Variants in L3MBTL4 observed in about 807,000 individuals in gnomAD.
L3MBTL4 encodes the protein L3MBTL histone methyl-lysine binding protein 4.
Under a neutral mutation model 84.5 loss-of-function variants are expected in L3MBTL4, and 70 were observed. That is an observed-to-expected ratio of 0.83 (90% CI 0.68 to 1.01). The LOEUF is 1.01. Among genes scored for constraint, L3MBTL4 ranks in the 50% least tolerant of loss-of-function variants. L3MBTL4 has a pLI of 0.00. For synonymous variants in L3MBTL4, 274 were observed against 259.8 expected (o/e 1.05, Z -0.52); for missense variants, 715 against 754.8 (o/e 0.95, Z 0.62).
intron 3 of L3MBTL4, among the ~76,000 whole-genome samples, chr18:6,310,349 C>T (rs762370747): frequency 1.3e-5 from 2 of 152,158 alleles, no homozygotes; most frequent in Non-Finnish European, 2.9e-5. Context: ...CAATCTGGAC[C>T]CAGGGAACTG....
chr18:6,333,319 A>T (rs1277289134), intron 1 of L3MBTL4, among the ~76,000 whole-genome samples: 3 of 152,318 alleles, frequency 2.0e-5, no homozygotes, highest in African/African-American at 7.2e-5. Context: ...TCATGCCTGT[A>T]ATCCCAACAC....
intron 12 of L3MBTL4, among the ~76,000 whole-genome samples, chr18:6,185,846 G>A (rs1012201801): frequency 4.6e-5 from 7 of 152,154 alleles, no homozygotes; most frequent in African/African-American, 1.7e-4. Flanking sequence ...ATAGACATGT[G>A]AGAAATGACT....
At position 6,265,991 on chromosome 18, in the gene L3MBTL4, A is replaced by G. The variant is rs139657879; in HGVS notation, c.128-1953T>C. Among the ~76,000 whole-genome samples, 495 of 152,348 alleles carry G rather than the reference A, an allele frequency of 3.2e-3. 2 individuals are homozygous for G. Among genetic ancestry groups the G allele is most frequent in the Non-Finnish European group, 5.1e-3 (349 of 68,018 alleles). On this transcript the variant is annotated intron_variant, in intron 4 of 18. Coordinates refer to ENST00000317931, the MANE Select transcript of L3MBTL4 (RefSeq NM_001330559.2). ...TATTCTCATGACAAAAAACATAAGT[A>G]TGTGAGGTGACGGATATGTTAATTC...
At chr18:5,971,546 T>C (rs2052643272) in intron 16 of L3MBTL4, among the ~76,000 whole-genome samples, 1 of 152,224 alleles carries the variant, frequency 6.6e-6, no homozygotes, top group African/African-American at 2.4e-5. Flanking sequence ...GAATCTTATA[T>C]ATTGGAAGAA....
At chr18:6,264,114 C>T in intron 4 of L3MBTL4, 76 bp from the exon 5 acceptor site, 2 of 1,097,404 alleles carry the variant, frequency 1.8e-6, no homozygotes. Context: ...TGACAATAAA[C>T]TCAAGAAGCA....
rs757556292 is a variant in L3MBTL4 at position 5,969,488 on chromosome 18, G to A, written c.1519C>T (p.Arg507Trp). 2.2e-5 allele frequency: 36 copies of A among 1,613,918 alleles called. No homozygotes were observed. The Middle Eastern group carries it at 4.9e-4, about 22-fold the overall frequency. ...SMSTVSAHPF[R>W]DLPLGREQHC... is the part of the protein sequence containing the mutation. ...TGCTCCCTGCCGAGGGGAAGGTCCC[G>A]AAAAGGGTGGGCTGACACCGTGGAC... The change falls in exon 17 of 19, where the codon CGG (arginine) becomes TGG (tryptophan). Residue 507 changes from arginine to tryptophan, a missense_variant. Physicochemically the swap from Arg to Trp is moderately radical, Grantham distance 101 (BLOSUM62 -3). Coordinates refer to ENST00000317931, the MANE Select transcript of L3MBTL4 (RefSeq NM_001330559.2).
At chr18:6,121,301 G>A (rs1392199230) in intron 14 of L3MBTL4, among the ~76,000 whole-genome samples, 1 of 152,134 alleles carries the variant, frequency 6.6e-6, no homozygotes, top group Non-Finnish European at 1.5e-5. Context: ...AAGAAATTAA[G>A]AAAATTCAGT....
chr18:5,991,817 A>C (rs953096741), intron 16 of L3MBTL4, among the ~76,000 whole-genome samples: 1 of 152,094 alleles, frequency 6.6e-6, no homozygotes, highest in Non-Finnish European at 1.5e-5. Context: ...GAAAAAAATC[A>C]ACACTGGCTG....
intron 1 of L3MBTL4, among the ~76,000 whole-genome samples, chr18:6,373,790 A>C (rs930080844): frequency 4.5e-4 from 68 of 151,990 alleles, no homozygotes; most frequent in Non-Finnish European, 8.2e-4. Context: ...AAAAAAAAAA[A>C]CCCACTTTAC....
chr18:6,069,793 A>G (rs1598629952), intron 16 of L3MBTL4, among the ~76,000 whole-genome samples: 1 of 152,358 alleles, frequency 6.6e-6, no homozygotes, highest in Middle Eastern at 3.4e-3. Context: ...GATGACTCAG[A>G]TAAATAACGG....
chr18:6,108,794 T>C (rs2059096698), intron 14 of L3MBTL4, among the ~76,000 whole-genome samples: 1 of 152,046 alleles, frequency 6.6e-6, no homozygotes, highest in Non-Finnish European at 1.5e-5. Context: ...AAAAAGAAAC[T>C]CAAACAATTA....
At chr18:6,008,925 T>C (rs1192130031) in intron 16 of L3MBTL4, among the ~76,000 whole-genome samples, 1 of 152,166 alleles carries the variant, frequency 6.6e-6, no homozygotes, top group Non-Finnish European at 1.5e-5. Context: ...TCAATAGACC[T>C]CCTTTAGGAA....
intron 7 of L3MBTL4, 55 bp from the exon 8 acceptor site, chr18:6,241,504 T>G (rs566185521): frequency 1.0e-6 from 1 of 959,458 alleles, no homozygotes; most frequent in African/African-American, 1.6e-5. Flanking sequence ...ACATGCATAT[T>G]AAATATATTA....
At chr18:6,071,620 G>A (rs1310570181) in intron 16 of L3MBTL4, among the ~76,000 whole-genome samples, 1 of 147,024 alleles carries the variant, frequency 6.8e-6, no homozygotes, top group Non-Finnish European at 1.5e-5. Flanking sequence ...TGGGGTGACA[G>A]AGATAGATCC....
intron 1 of L3MBTL4, among the ~76,000 whole-genome samples, chr18:6,313,365 A>C (rs2050930266): frequency 6.6e-6 from 1 of 152,216 alleles, no homozygotes; most frequent in African/African-American, 2.4e-5. Context: ...CACTGTTTTC[A>C]AAGTTAATTC....
chr18:6,337,491 T>G (rs539596453), intron 1 of L3MBTL4, among the ~76,000 whole-genome samples: 15 of 152,222 alleles, frequency 9.9e-5, no homozygotes, highest in African/African-American at 2.9e-4. Flanking sequence ...AAACATTATT[T>G]TGACTTGAAG....
intron 1 of L3MBTL4, among the ~76,000 whole-genome samples, chr18:6,406,863 A>C (rs2055758354): frequency 6.6e-6 from 1 of 152,232 alleles, no homozygotes; most frequent in Non-Finnish European, 1.5e-5. Flanking sequence ...GGACATCAGA[A>C]ACCTCTTCAT....
intron 16 of L3MBTL4, among the ~76,000 whole-genome samples, chr18:6,005,738 T>C (rs988038055): frequency 1.3e-5 from 2 of 152,206 alleles, no homozygotes; most frequent in Admixed American, 6.5e-5. Flanking sequence ...CAGTCTACTG[T>C]TGATGGGCAT....
chr18:6,197,570 A>T (rs966996813), intron 12 of L3MBTL4, among the ~76,000 whole-genome samples: 2 of 152,188 alleles, frequency 1.3e-5, no homozygotes, highest in African/African-American at 4.8e-5. Flanking sequence ...GCTGCAATGA[A>T]CATACGTGTG....
Sources: allele counts gnomAD v4.1 joint callset (sites outside exome capture counted in the v4.1 genomes callset), GRCh38; gene constraint gnomAD v4.1.1; transcripts MANE v1.5; gene names NCBI Gene and HGNC (gene_info 2026-07-23, HGNC 2026-07-21).